The following ZP2 variants were observed in gnomAD, a reference collection of about 807,000 sequenced individuals.
The protein encoded by ZP2 is zona pellucida sperm-binding protein 2.
In ZP2, 51 loss-of-function variants were observed where a neutral mutation model predicts 84.0. The ratio of observed to expected loss-of-function variants is 0.61; its 90% CI spans 0.49 to 0.77. The LOEUF (loss-of-function observed/expected upper bound fraction) is 0.77, where lower values mean the gene tolerates loss of function less well. Ranked by LOEUF, ZP2 falls within the 30% of genes least tolerant of loss-of-function variation. The pLI is 0.00. For synonymous variants in ZP2, 375 were observed against 330.9 expected (o/e 1.13, Z -1.45); for missense variants, 909 against 911.9 (o/e 1.00, Z 0.04).
chr16:21,201,828 A>T lies in ZP2; in HGVS notation c.1382T>A (p.Met461Lys). ...SKISRDSEFR[M>K]TVKCSYSRND... is the part of the protein sequence containing the mutation. ...CCTGCTATAAGAACACTTCACTGTC[A>T]TTCTGTAAGAGTTTGGAGGGAAGGT... Residue 461 changes from methionine (M) to lysine (K), a missense_variant and splice_region_variant, in exon 13 of 19, where the codon ATG (methionine) becomes AAG (lysine). Physicochemically the swap from Met to Lys is moderately conservative, Grantham distance 95 (BLOSUM62 -1). Coordinates refer to ENST00000574091, the MANE Select transcript of ZP2 (RefSeq NM_001376232.1). The T allele has an allele frequency of 6.2e-7, 1 of 1,614,142 alleles. No individual in the cohort carries two copies. The highest frequency in any genetic ancestry group is 8.5e-7 in the Non-Finnish European group (1 of 1,180,008).
intron 9 of ZP2, chr16:21,203,744 C>T: frequency 2.1e-6 from 1 of 487,132 alleles, no homozygotes; most frequent in Non-Finnish European, 3.7e-6. Flanking sequence ...AGGTATTTGA[C>T]AAGTAGTTGC....
rs766836952 is a variant in ZP2, at chr16:21,202,145, G to A, written c.1246C>T (p.Arg416Trp). Residue 416 changes from arginine (R) to tryptophan (W), a missense_variant, in exon 11 of 19, where the codon CGG becomes TGG. Arg to Trp is a moderately radical substitution (Grantham distance 101). Coordinates refer to ENST00000574091, the MANE Select transcript of ZP2 (RefSeq NM_001376232.1). ...CATCCATTCAGGGGTATGTGGAACC[G>A]TACCAGCCCCTGAGACTGAGCCTCA... ...VFEAQSQGLV[R>W]FHIPLNGCGT... 4.0e-5 allele frequency: 65 copies of A among 1,610,044 alleles called. No individual in the cohort carries two copies. Among genetic ancestry groups the A allele is most frequent in the South Asian group, 1.4e-4 (13 of 90,112 alleles).
In ZP2 at chr16:21,201,764, A is replaced by G; in HGVS notation, c.1446T>C (p.Thr482=). The change falls in exon 13 of 19, where the codon ACT becomes ACC. Residue 482 remains threonine (T), a synonymous_variant. Coordinates refer to ENST00000574091, the MANE Select transcript of ZP2 (RefSeq NM_001376232.1). Reference sequence around the variant, plus strand: ...CCAACTTCACTGAGGCCACTGGAGGAGTAAGGCTTTCAACGTTGATGTTTA... The same window carrying G: ...CCAACTTCACTGAGGCCACTGGAGGGGTAAGGCTTTCAACGTTGATGTTTA... ...MLLNINVESL[T]PPVASVKLGP... is the part of the protein sequence containing the mutation. 6.2e-7 allele frequency: 1 copy of G among 1,614,126 alleles called. No homozygotes were observed. Among genetic ancestry groups the G allele is most frequent in the South Asian group, 1.1e-5 (1 of 91,088 alleles).
At chr16:21,205,831 T>C in intron 5 of ZP2, 56 bp from the exon 6 acceptor site, 1 of 1,583,984 alleles carries the variant, frequency 6.3e-7, no homozygotes, top group Non-Finnish European at 8.7e-7. Context: ...TGTTTCCGAA[T>C]TCATGCCAGA....
intron 17 of ZP2, 56 bp downstream of exon 17, chr16:21,198,723 G>T: frequency 6.8e-7 from 1 of 1,472,320 alleles, no homozygotes; most frequent in Non-Finnish European, 9.5e-7. Flanking sequence ...CTGACCGCTT[G>T]GCATAAAAAG....
intron 7 of ZP2, among the ~76,000 whole-genome samples, chr16:21,204,988 A>G (rs575323444): frequency 6.6e-6 from 1 of 152,188 alleles, no homozygotes; most frequent in South Asian, 2.1e-4. Flanking sequence ...TGAGGTAAGG[A>G]TTATGTATTT....
chr16:21,203,975 G>T (rs1190049491), intron 9 of ZP2, 55 bp downstream of exon 9: 1 of 1,592,532 alleles, frequency 6.3e-7, no homozygotes, highest in Admixed American at 1.7e-5. Flanking sequence ...CTACCCACAA[G>T]AGTATACTTC....
At chr16:21,211,172 C>A in intron 2 of ZP2, 135 bp downstream of exon 2, 1 of 756,472 alleles carries the variant, frequency 1.3e-6, no homozygotes, top group Non-Finnish European at 2.2e-6. Context: ...AAGAAAGATC[C>A]AGTAACCTGA....
chr16:21,211,780 A>T, upstream of ZP2: 1 of 1,445,374 alleles, frequency 6.9e-7, no homozygotes, highest in East Asian at 2.5e-5. Context: ...AGTTTGCTGA[A>T]ATCAGCTCCA....
chr16:21,202,716 C>T (rs1029615860), intron 10 of ZP2, among the ~76,000 whole-genome samples: 1 of 151,946 alleles, frequency 6.6e-6, no homozygotes, highest in African/African-American at 2.4e-5. Context: ...TTTGATCTGA[C>T]CTGTGCAGAT....
At position 21,203,934 on chromosome 16, in the gene ZP2, G is replaced by A; in HGVS notation, c.972+96C>T. On this transcript the variant is annotated intron_variant, in intron 9 of 18. Coordinates refer to ENST00000574091, the MANE Select transcript of ZP2 (RefSeq NM_001376232.1). ...TGAATCTGTTATGTTGGCAATTAGA[G>A]CTCACGGGCAAGTTATCAGCCGTAT... The A allele has an allele frequency of 5.1e-6, 7 of 1,362,424 alleles. No homozygotes were observed. In the South Asian group the frequency reaches 8.3e-5, roughly 16 times the overall value. The allele number at this position is 1,362,424 out of a possible 1,614,324, so 84.4% of individuals were successfully genotyped here.
At position 21,204,409 on chromosome 16, in the gene ZP2, G is replaced by A. The variant is rs947506899; in HGVS notation, c.694-5C>T. 1 of 1,610,622 alleles carries A rather than the reference G, an allele frequency of 6.2e-7. No homozygotes were observed. The highest frequency in any genetic ancestry group is 1.3e-5 in the African/African-American group (1 of 74,962). ...GTAGAGATGACTGTTACCTTGCTAG[G>A]GGGAGAAATAACAGTGATCTTCAAA... On this transcript the variant is annotated splice_region_variant and splice_polypyrimidine_tract_variant and intron_variant, in intron 7 of 18. Transcript: ENST00000574091.
chr16:21,209,008 C>T (rs994901954), intron 4 of ZP2, among the ~76,000 whole-genome samples: 1 of 152,236 alleles, frequency 6.6e-6, no homozygotes, highest in African/African-American at 2.4e-5. Context: ...ACTGACATCT[C>T]AGTCCTGGTA....
upstream of ZP2, among the ~76,000 whole-genome samples, chr16:21,213,313 G>C (rs936707727): frequency 2.0e-5 from 3 of 152,168 alleles, no homozygotes; most frequent in African/African-American, 7.2e-5. Context: ...CCAAAGTGCT[G>C]GGATTACAGG....
At chr16:21,197,884 C>A in intron 17 of ZP2, 35 bp from the exon 18 acceptor site, 1 of 1,604,004 alleles carries the variant, frequency 6.2e-7, no homozygotes, top group South Asian at 1.1e-5. Context: ...ACAACATCTT[C>A]ATGCTAGTCG....
chr16:21,199,188 G>A (rs940216672), intron 16 of ZP2, among the ~76,000 whole-genome samples: 2 of 78,496 alleles, frequency 2.5e-5, no homozygotes, highest in African/African-American at 8.4e-5. Flanking sequence ...GGGTATGTTG[G>A]GGGGGTTCCT....
rs201660918 is a variant in ZP2, at chr16:21,197,885, A to C, written c.2012-36T>G. 42 of 1,595,832 alleles carry C rather than the reference A, an allele frequency of 2.6e-5. No individual in the cohort carries two copies. In the East Asian group the frequency reaches 7.1e-4, roughly 27 times the overall value. On this transcript the variant is annotated intron_variant, in intron 17 of 18. Coordinates refer to ENST00000574091, the MANE Select transcript of ZP2 (RefSeq NM_001376232.1). Reference sequence around the variant, plus strand: ...CCTGAGAGTTTAGTACAACATCTTCATGCTAGTCGATGTGGTTAGCTGTCC... The same window carrying C: ...CCTGAGAGTTTAGTACAACATCTTCCTGCTAGTCGATGTGGTTAGCTGTCC...
Position 21,201,470 on chromosome 16 carries a change from T to C in ZP2, c.1593A>G (p.Leu531=). The C allele has an allele frequency of 6.2e-7, 1 of 1,613,856 alleles. No individual in the cohort carries two copies. Among genetic ancestry groups the C allele is most frequent in the South Asian group, 1.1e-5 (1 of 90,956 alleles). Residue 531 remains leucine, a synonymous_variant, in exon 14 of 19, where the codon CTA becomes CTG. Transcript: ENST00000574091. ...GCTTGATGTTGGGGTCATCCCTGTT[T>C]AGGACTCTCACTTCCATGTAAATTG... ...RQPIYMEVRV[L]NRDDPNIKLV... is the part of the protein sequence containing the mutation.
chr16:21,214,177 G>T, upstream of ZP2: 1 of 926,592 alleles, frequency 1.1e-6, no homozygotes, highest in Non-Finnish European at 1.3e-6. Context: ...AGCCCGCTGT[G>T]GGCTGGTGAA....
Sources: gnomAD v4.1 joint callset for allele counts (sites outside exome capture counted in the v4.1 genomes callset) on GRCh38, gnomAD v4.1.1 for gene constraint, MANE v1.5 for transcripts, NCBI Gene and HGNC (gene_info 2026-07-23, HGNC 2026-07-21) for gene names.